Variants in STX12 observed in about 807,000 individuals in gnomAD.
STX12 encodes the protein syntaxin-12.
Under a neutral mutation model 42.2 loss-of-function variants are expected in STX12, and 17 were observed. That is an observed-to-expected ratio of 0.40 (90% CI 0.28 to 0.60). The LOEUF (loss-of-function observed/expected upper bound fraction) is 0.60. Among genes scored for constraint, STX12 ranks in the 20% least tolerant of loss-of-function variants. The pLI is 0.39. For synonymous variants in STX12, 108 were observed against 116.7 expected, an observed-to-expected ratio of 0.93 and a Z score of 0.48; for missense variants, 297 against 330.9, an observed-to-expected ratio of 0.90 and a Z score of 0.79.
chr1:27,801,327 C>T (rs1439235371), intron 3 of STX12, among the ~76,000 whole-genome samples: 1 of 151,794 alleles, frequency 6.6e-6, no homozygotes, highest in African/African-American at 2.4e-5. Flanking sequence ...CGCTTGAACA[C>T]GGGCGGCAGA....
intron 6 of STX12, 112 bp downstream of exon 6, chr1:27,812,380 G>T: frequency 1.3e-6 from 1 of 785,816 alleles, no homozygotes; most frequent in East Asian, 2.8e-5. Context: ...ATGTGTCATT[G>T]TGTGATTTGT....
rs1485324802 is a variant in STX12, at chr1:27,793,583, T to G, written c.239T>G (p.Leu80Trp). The G allele has an allele frequency of 6.2e-7, 1 of 1,614,030 alleles. No individual in the cohort carries two copies. The highest frequency in any genetic ancestry group is 8.5e-7 in the Non-Finnish European group (1 of 1,180,002). Residue 80 changes from leucine (L) to tryptophan (W), a missense_variant, in exon 3 of 9, where the codon TTG (leucine) becomes TGG (tryptophan). Physicochemically the swap from Leu to Trp is moderately conservative, Grantham distance 61. Transcript: ENST00000373943. ...TNQLAKETNE[L>W]LKELGSLPLP... ...CAGCTCGCCAAGGAAACAAATGAAT[T>G]GCTGAAAGAATTAGGGTCCTTGCCC...
chr1:27,818,558 C>G (rs934713245), intron 7 of STX12, among the ~76,000 whole-genome samples: 3 of 151,972 alleles, frequency 2.0e-5, no homozygotes, highest in Non-Finnish European at 4.4e-5. Context: ...CTTTGTACAT[C>G]TTTGTTTAGA....
In STX12 at chr1:27,808,354, T is replaced by TATTC. The variant is rs1553182793; in HGVS notation, c.427-1891_427-1888dup. Among the ~76,000 whole-genome samples, 394 of 148,174 alleles carry TATTC rather than the reference T, an allele frequency of 2.7e-3. 3 individuals are homozygous for TATTC. The highest frequency in any genetic ancestry group is 3.7e-3 in the Non-Finnish European group (252 of 67,626). On this transcript the variant is annotated intron_variant, in intron 4 of 8. Transcript: ENST00000373943. ...TTATTTATTTATTTATTTATTTATT[T>TATTC]ATTCTGAGAGGGAGTCTCACTCTGT...
At chr1:27,790,659 G>T (rs1253356834) in intron 2 of STX12, among the ~76,000 whole-genome samples, 2 of 152,172 alleles carry the variant, frequency 1.3e-5, no homozygotes. Flanking sequence ...ATGGAAGGGG[G>T]TGCTGGGTGC....
chr1:27,802,967 A>T (rs1239620354), intron 4 of STX12, among the ~76,000 whole-genome samples: 5 of 152,230 alleles, frequency 3.3e-5, no homozygotes, highest in African/African-American at 4.8e-5. Flanking sequence ...ATAGAAATTT[A>T]AAAACTTAGT....
chr1:27,781,398 A>G (rs1187099181), intron 1 of STX12, among the ~76,000 whole-genome samples: 1 of 152,138 alleles, frequency 6.6e-6, no homozygotes, highest in African/African-American at 2.4e-5. Context: ...ATAGTTTAAT[A>G]GTTAGGTAGG....
At chr1:27,799,477 G>GTTTTTTTTTGTTTTTTT (rs2088811549) in intron 3 of STX12, among the ~76,000 whole-genome samples, 4 of 130,710 alleles carry the variant, frequency 3.1e-5, no homozygotes, top group African/African-American at 1.3e-4. Context: ...TCATTAGCTT[G>GTTTTTTTTTGTTTTTTT]TTTTTTTTTT....
intron 3 of STX12, among the ~76,000 whole-genome samples, chr1:27,799,674 A>G (rs183785080): frequency 1.7e-4 from 26 of 151,902 alleles, no homozygotes; most frequent in Non-Finnish European, 3.2e-4. Context: ...TAGTAGAGAC[A>G]TGGTTTCACC....
intron 6 of STX12, among the ~76,000 whole-genome samples, chr1:27,812,482 C>A (rs548425975): frequency 1.3e-5 from 2 of 150,622 alleles, no homozygotes; most frequent in South Asian, 4.2e-4. Flanking sequence ...GCTCTTGTTG[C>A]CCAGGCTGGA....
intron 1 of STX12, among the ~76,000 whole-genome samples, chr1:27,776,828 T>C (rs1297211575): frequency 6.6e-6 from 1 of 152,162 alleles, no homozygotes; most frequent in South Asian, 2.1e-4. Flanking sequence ...GGACACTCTG[T>C]GGGGGAAATA....
intron 1 of STX12, among the ~76,000 whole-genome samples, chr1:27,780,269 G>A (rs2088659373): frequency 6.8e-6 from 1 of 146,458 alleles, no homozygotes; most frequent in South Asian, 2.1e-4. Context: ...GAGTGCAGTG[G>A]GGCGATCAGG....
chr1:27,793,640 T>C lies in STX12; in HGVS notation c.288+8T>C, dbSNP rs1338662488. 1.9e-6 allele frequency: 3 copies of C among 1,610,224 alleles called. No homozygotes were observed. The African/African-American group carries it at 4.0e-5, about 22-fold the overall frequency. ...TTATCTACTTCAGAACAGGTTGGTA[T>C]TTTCTGTTTTGTTTATTAATAGGAA... On this transcript the variant is annotated splice_region_variant and intron_variant, in intron 3 of 8. Transcript: ENST00000373943.
chr1:27,822,845 A>G lies in STX12; in HGVS notation c.*516A>G, dbSNP rs371787834. The G allele has an allele frequency of 6.5e-6, 1 of 152,900 alleles. No individual in the cohort carries two copies. The highest frequency in any genetic ancestry group is 2.4e-5 in the African/African-American group (1 of 41,450). The allele number at this position is 152,900 out of a possible 1,614,324, so 9.5% of individuals were successfully genotyped here. A position where few individuals can be genotyped will look rare whatever the true frequency, so the allele number is the denominator to read the frequency against. On this transcript the variant is annotated 3_prime_UTR_variant, in exon 9 of 9. Coordinates refer to ENST00000373943, the MANE Select transcript of STX12 (RefSeq NM_177424.3). ...ATCTATTTTGAAAGATTTTGGCACTATATTTAATTGGAAGGTAAAATATTG... is the reference window on the plus strand; with the variant it reads ...ATCTATTTTGAAAGATTTTGGCACTGTATTTAATTGGAAGGTAAAATATTG...
At chr1:27,776,289 T>C (rs2088627538) in intron 1 of STX12, among the ~76,000 whole-genome samples, 1 of 152,234 alleles carries the variant, frequency 6.6e-6, no homozygotes, top group Non-Finnish European at 1.5e-5. Context: ...ACCAGTATCA[T>C]TTCCATGTTA....
At chr1:27,798,944 ACC>A (rs2088806955) in intron 3 of STX12, among the ~76,000 whole-genome samples, 1 of 148,600 alleles carries the variant, frequency 6.7e-6, no homozygotes. Context: ...ACAGAGCAAG[ACC>A]CTGTCTCAAA....
intron 1 of STX12, among the ~76,000 whole-genome samples, chr1:27,779,816 T>A (rs2088654657): frequency 6.6e-6 from 1 of 151,948 alleles, no homozygotes; most frequent in Non-Finnish European, 1.5e-5. Flanking sequence ...AAAGAGAGTT[T>A]CGCTGTTGTT....
Position 27,822,518 on chromosome 1 carries a change from T to A in STX12, c.*189T>A, listed in dbSNP as rs1205441526. On this transcript the variant is annotated 3_prime_UTR_variant, in exon 9 of 9. Coordinates refer to ENST00000373943, the MANE Select transcript of STX12 (RefSeq NM_177424.3). ...AGACAGTAATTATCAATTTATTGAT[T>A]CTATTGATTTCTCAAATTAGGAATT... 8.4e-6 allele frequency: 4 copies of A among 473,544 alleles called. No homozygotes were observed. The highest frequency in any genetic ancestry group is 7.6e-6 in the Non-Finnish European group (2 of 262,918). The allele number at this position is 473,544 out of a possible 1,614,324, so 29.3% of individuals were successfully genotyped here. A position where few individuals can be genotyped will look rare whatever the true frequency, so the allele number is the denominator to read the frequency against.
chr1:27,819,725 A>T lies in STX12; in HGVS notation c.725A>T (p.Tyr242Phe), dbSNP rs1455036485. 3.7e-6 allele frequency: 6 copies of T among 1,613,548 alleles called. No homozygotes were observed. Among genetic ancestry groups the T allele is most frequent in the Non-Finnish European group, 5.1e-6 (6 of 1,179,692 alleles). The change falls in exon 8 of 9, where the codon TAC (tyrosine) becomes TTC (phenylalanine). Residue 242 changes from tyrosine to phenylalanine, a missense_variant. Transcript: ENST00000373943. ...ACTGAACAGTTACAGCGAGCTGCTT[A>T]CTATCAGGTAAAAGCGGGTACCAAA... Reference protein sequence around the residue: ...RATEQLQRAAYYQKKSRKKMC... With the variant: ...RATEQLQRAAFYQKKSRKKMC...
Sources: gnomAD v4.1 joint callset for allele counts (sites outside exome capture counted in the v4.1 genomes callset) on GRCh38, gnomAD v4.1.1 for gene constraint, MANE v1.5 for transcripts, NCBI Gene and HGNC (gene_info 2026-07-23, HGNC 2026-07-21) for gene names.